Variants in CSH1 observed in about 807,000 individuals in gnomAD.
CSH1 encodes chorionic somatomammotropin hormone 1, also known as Chorionic somatomammotropin hormone 2.
A neutral mutation model predicts 19.4 loss-of-function variants in CSH1; 17 were observed. The observed-to-expected ratio is 0.88, with a 90% confidence interval of 0.60 to 1.31. The LOEUF is 1.31. CSH1 is among the 40% of genes most tolerant of loss of function. The pLI, the probability that CSH1 is intolerant of heterozygous loss-of-function variation, is 0.00. For synonymous variants in CSH1, 72 were observed against 104.6 expected, an observed-to-expected ratio of 0.69 and a Z score of 1.90; for missense variants, 190 against 243.1, an observed-to-expected ratio of 0.78 and a Z score of 1.45.
chr17:63,896,449 C>T (rs1598381128), intron 1 of CSH1, 53 bp downstream of exon 1: 6 of 1,611,258 alleles, frequency 3.7e-6, no homozygotes, highest in Non-Finnish European at 5.1e-6. Context: ...CTACAGGGCG[C>T]TGCCTCTCCC....
intron 4 of CSH1, 44 bp from the exon 5 acceptor site, chr17:63,895,263 C>G (rs2144693036): frequency 1.2e-6 from 2 of 1,612,894 alleles, no homozygotes; most frequent in East Asian, 4.5e-5. Flanking sequence ...CGCTTGGGCA[C>G]TGTTCCCTCC....
Position 63,895,003 on chromosome 17 carries a change from C to G in CSH1, c.*19G>C, listed in dbSNP as rs751604543. The G allele has an allele frequency of 7.5e-5, 121 of 1,612,790 alleles. No individual in the cohort carries two copies. The highest frequency in any genetic ancestry group is 9.9e-5 in the Non-Finnish European group (117 of 1,179,614). ...CAGGAGAGGCACTGGGGAGGGGTCA[C>G]AGGATGCTACTCGGGCACCTAGAAG... On this transcript the variant is annotated 3_prime_UTR_variant, in exon 5 of 5. Transcript: ENST00000316193.
intron 4 of CSH1, 44 bp from the exon 5 acceptor site, chr17:63,895,263 C>A: frequency 1.2e-6 from 2 of 1,612,894 alleles, no homozygotes; most frequent in Non-Finnish European, 1.7e-6. Context: ...CGCTTGGGCA[C>A]TGTTCCCTCC....
rs749396950 is a variant in CSH1, at chr17:63,895,313, G to A, written c.457-94C>T. ...CATTTTCCTCCCTCCCCTTCAGGGT[G>A]TAGAGAAAGGCCTGGAGGATTCACC... On this transcript the variant is annotated intron_variant, in intron 4 of 4. Transcript: ENST00000316193. The A allele has an allele frequency of 3.0e-5, 48 of 1,612,676 alleles. 1 individual carries two copies. Among genetic ancestry groups the A allele is most frequent in the Non-Finnish European group, 3.6e-5 (42 of 1,179,536 alleles).
chr17:63,895,961 T>G, intron 2 of CSH1, 111 bp from the exon 3 acceptor site: 1 of 541,906 alleles, frequency 1.8e-6, no homozygotes. Flanking sequence ...CTGCCTGCAT[T>G]TTCGCTTCAG....
chr17:63,895,664 G>C, intron 3 of CSH1, 27 bp from the exon 4 acceptor site: 1 of 1,470,060 alleles, frequency 6.8e-7, no homozygotes, highest in Non-Finnish European at 9.0e-7. Context: ...GGCAGTGGCT[G>C]TGCTGCCCGG....
rs1232464297 is a variant in CSH1, at chr17:63,895,434, T to C, written c.456+39A>G. On this transcript the variant is annotated intron_variant, in intron 4 of 4. Coordinates refer to ENST00000316193, the MANE Select transcript of CSH1 (RefSeq NM_001317.6). Reference sequence around the variant, plus strand: ...TCTCTCCCCCAGCCCTCGAAGCCAGTGGGGTTCCAGGATTGGTGACCCCTG... The same window carrying C: ...TCTCTCCCCCAGCCCTCGAAGCCAGCGGGGTTCCAGGATTGGTGACCCCTG... 5.0e-6 allele frequency: 8 copies of C among 1,612,848 alleles called. No individual in the cohort carries two copies. The Admixed American group carries it at 6.7e-5, about 13-fold the overall frequency.
Position 63,896,453 on chromosome 17 carries a change from C to T in CSH1, c.10+49G>A, listed in dbSNP as rs1224907903. 17 of 1,611,566 alleles carry T rather than the reference C, an allele frequency of 1.1e-5. 1 individual carries two copies. The Admixed American group carries it at 1.8e-4, about 17-fold the overall frequency. On this transcript the variant is annotated intron_variant, in intron 1 of 4. Transcript: ENST00000316193. The stretch of plus-strand genomic sequence containing the variant: ...CCCCGTCCCATCTACAGGGCGCTGC[C>T]TCTCCCCTCAGGACACGTTGTGCCC...
At position 63,895,037 on chromosome 17, in the gene CSH1, GCCCTCCACAGAGCGGCACTGCA is replaced by G; in HGVS notation, c.617_638del (p.Val206AlafsTer13). The G allele has an allele frequency of 6.2e-7, 1 of 1,612,986 alleles. No homozygotes were observed. Among genetic ancestry groups the G allele is most frequent in the Non-Finnish European group, 8.5e-7 (1 of 1,179,640 alleles). On this transcript the variant is annotated frameshift_variant, in exon 5 of 5. Coordinates refer to ENST00000316193, the MANE Select transcript of CSH1 (RefSeq NM_001317.6). LOFTEE classifies it high-confidence loss of function. ...ACTCGGGCACCTAGAAGCCACAGCT[GCCCTCCACAGAGCGGCACTGCA>G]CCATGCGCAGGAATGTCTCGACCTT...
At position 63,895,118 on chromosome 17, in the gene CSH1, G is replaced by A. The variant is rs56030529; in HGVS notation, c.558C>T (p.Tyr186=). 712 of 1,612,788 alleles carry A rather than the reference G, an allele frequency of 4.4e-4. 44 individuals are homozygous for A. In the African/African-American group the frequency reaches 8.4e-3, roughly 19 times the overall value. The change falls in exon 5 of 5, where the codon TAC becomes TAT. Residue 186 remains tyrosine (Y), a synonymous_variant. Coordinates refer to ENST00000316193, the MANE Select transcript of CSH1 (RefSeq NM_001317.6). ...CCTTCCTGAAGCAGTAGAGCAGCCC[G>A]TAGTTCTTGAGCAGTGCGTCATGGT... The part of the protein sequence containing the change: ...SHNHDALLKN[Y]GLLYCFRKDM...
rs762510478 is a variant in CSH1 at position 63,896,522 on chromosome 17, T to C, written c.-11A>G. 3 of 1,613,440 alleles carry C rather than the reference T, an allele frequency of 1.9e-6. No homozygotes were observed. Among genetic ancestry groups the C allele is most frequent in the Non-Finnish European group, 2.5e-6 (3 of 1,179,540 alleles). On this transcript the variant is annotated 5_prime_UTR_variant, in exon 1 of 5. Coordinates refer to ENST00000316193, the MANE Select transcript of CSH1 (RefSeq NM_001317.6). ...CTTACCTGGAGCCATTGCCACTAGG[T>C]GAGCTGTCCACAGGACCCTGAGTGG...
In CSH1 at chr17:63,895,521, G is replaced by T. The variant is rs148620111; in HGVS notation, c.408C>A (p.Asp136Glu). 17 of 1,610,640 alleles carry T rather than the reference G, an allele frequency of 1.1e-5. No homozygotes were observed. Among genetic ancestry groups the T allele is most frequent in the South Asian group, 3.3e-5 (3 of 90,992 alleles). ...NLVYDTSDSD[D>E]YHLLKDLEEG... ...CCTCTAGGTCCTTTAGGAGGTGATA[G>T]TCATCGCTGTCCGAGGTGTCATACA... Residue 136 changes from aspartate (D) to glutamate (E), a missense_variant, in exon 4 of 5, where the codon GAC becomes GAA. This residue lies in a region of CSH1 where 175 missense variants were observed against 187.2 expected (regional missense o/e 0.93). Coordinates refer to ENST00000316193, the MANE Select transcript of CSH1 (RefSeq NM_001317.6).
chr17:63,895,953 G>A (rs1291613360), intron 2 of CSH1, 103 bp from the exon 3 acceptor site: 4 of 519,758 alleles, frequency 7.7e-6, no homozygotes, highest in Non-Finnish European at 1.2e-5. Flanking sequence ...ATGCTCATCT[G>A]CCTGCATTTT....
Position 63,895,066 on chromosome 17 carries a change from G to T in CSH1, c.610C>A (p.Arg204Ser), listed in dbSNP as rs139446025. The change falls in exon 5 of 5, where the codon CGC becomes AGC. Residue 204 changes from arginine to serine, a missense_variant. Around this residue, in one of 3 missense-constraint regions of CSH1, gnomAD observed 175 missense variants for 187.2 expected, o/e 0.93. Coordinates refer to ENST00000316193, the MANE Select transcript of CSH1 (RefSeq NM_001317.6). ...TCCACAGAGCGGCACTGCACCATGC[G>T]CAGGAATGTCTCGACCTTGTCCATG... ...KDMDKVETFLRMVQCRSVEGS... is the reference protein window; with the variant it reads ...KDMDKVETFLSMVQCRSVEGS... 5 of 1,612,988 alleles carry T rather than the reference G, an allele frequency of 3.1e-6. No individual in the cohort carries two copies. In the East Asian group the frequency reaches 1.1e-4, roughly 36 times the overall value.
chr17:63,895,570 C>G lies in CSH1; in HGVS notation c.359G>C (p.Arg120Thr), dbSNP rs2854168. 1 of 1,599,728 alleles carries G rather than the reference C, an allele frequency of 6.3e-7. No homozygotes were observed. The highest frequency in any genetic ancestry group is 8.5e-7 in the Non-Finnish European group (1 of 1,175,940). ...ESWLEPVRFL[R>T]SMFANNLVYD... The stretch of plus-strand genomic sequence containing the variant: ...CACCAGGTTGTTGGCGAACATACTC[C>G]TGAGGAACCGCACGGGCTCCAGCCA... Residue 120 changes from arginine (R) to threonine (T), a missense_variant, in exon 4 of 5, where the codon AGG (arginine) becomes ACG (threonine). Arg to Thr is a moderately conservative substitution (Grantham distance 71, BLOSUM62 -1). Coordinates refer to ENST00000316193, the MANE Select transcript of CSH1 (RefSeq NM_001317.6).
At chr17:63,895,316 G>C (rs779204388) in intron 4 of CSH1, 97 bp from the exon 5 acceptor site, 4 of 1,612,666 alleles carry the variant, frequency 2.5e-6, no homozygotes, top group Middle Eastern at 3.3e-4. Context: ...TCAGGGTGTA[G>C]AGAAAGGCCT....
At chr17:63,896,037 T>G in intron 2 of CSH1, 38 bp downstream of exon 2, 1 of 821,344 alleles carries the variant, frequency 1.2e-6, no homozygotes, top group Non-Finnish European at 1.7e-6. Context: ...CACCCCTTCT[T>G]GCCACCCCTG....
rs145624320 is a variant in CSH1, at chr17:63,895,342, C to T, written c.457-123G>A. On this transcript the variant is annotated intron_variant, in intron 4 of 4. Coordinates refer to ENST00000316193, the MANE Select transcript of CSH1 (RefSeq NM_001317.6). ...AGAAAGGCCTGGAGGATTCACCAGG[C>T]GAAATGAAGAATAAGGTGAGTTCTC... 8.5e-5 allele frequency: 137 copies of T among 1,612,662 alleles called. 1 individual carries two copies. The highest frequency in any genetic ancestry group is 3.3e-4 in the Middle Eastern group (2 of 6,052).
Position 63,895,462 on chromosome 17 carries a change from G to T in CSH1, c.456+11C>A. ...GGTTCCAGGATTGGTGACCCCTGGCGCCACCCTCACCCCCATCAGCGTTTG... is the reference window on the plus strand; with the variant it reads ...GGTTCCAGGATTGGTGACCCCTGGCTCCACCCTCACCCCCATCAGCGTTTG... On this transcript the variant is annotated intron_variant, in intron 4 of 4. Transcript: ENST00000316193. 6.2e-7 allele frequency: 1 copy of T among 1,612,692 alleles called. No homozygotes were observed. The highest frequency in any genetic ancestry group is 8.5e-7 in the Non-Finnish European group (1 of 1,179,692).
Sources: allele counts gnomAD v4.1 joint callset, GRCh38; gene constraint gnomAD v4.1.1; regional missense constraint gnomAD v4.1.1; transcripts MANE v1.5; gene names NCBI Gene and HGNC (gene_info 2026-07-23, HGNC 2026-07-21).